Variants in RBM20 observed in about 807,000 individuals in gnomAD.
RBM20 encodes RNA binding motif protein 20, also known as RNA-binding protein 20.
A neutral mutation model predicts 110.1 loss-of-function variants in RBM20; 51 were observed. The ratio of observed to expected loss-of-function variants is 0.46; its 90% CI spans 0.37 to 0.59. RBM20 has a LOEUF of 0.59. RBM20 is among the 20% of genes least tolerant of loss of function. The pLI is 0.00. For missense variants in RBM20, 1,512 were observed against 1,574.9 expected, an observed-to-expected ratio of 0.96 and a Z score of 0.68; for synonymous variants, 589 against 618.2, an observed-to-expected ratio of 0.95 and a Z score of 0.70.
intron 1 of RBM20, among the ~76,000 whole-genome samples, chr10:110,679,291 A>G (rs1328603735): frequency 6.6e-6 from 1 of 152,140 alleles, no homozygotes; most frequent in Admixed American, 6.5e-5. Flanking sequence ...TGGTGTGATC[A>G]TAGCTCACTG....
intron 1 of RBM20, among the ~76,000 whole-genome samples, chr10:110,771,388 G>T (rs185340623): frequency 1.3e-5 from 2 of 152,058 alleles, no homozygotes; most frequent in Non-Finnish European, 2.9e-5. Context: ...CTCACCCTCC[G>T]AAAGTGCTGG....
chr10:110,752,943 A>ATT (rs1475212776), intron 1 of RBM20, among the ~76,000 whole-genome samples: 34 of 95,028 alleles, frequency 3.6e-4, no homozygotes, highest in South Asian at 1.4e-3. Context: ...ATATATATAT[A>ATT]TATTTTTTTT....
intron 1 of RBM20, among the ~76,000 whole-genome samples, chr10:110,647,080 ACTGT>A (rs1861879540): frequency 6.6e-6 from 1 of 152,178 alleles, no homozygotes; most frequent in Non-Finnish European, 1.5e-5. Flanking sequence ...TTTTCCACTT[ACTGT>A]CTATGTTTAC....
chr10:110,712,854 A>G (rs1862956614), intron 1 of RBM20, among the ~76,000 whole-genome samples: 1 of 152,228 alleles, frequency 6.6e-6, no homozygotes, highest in African/African-American at 2.4e-5. Flanking sequence ...ACTCCACTAT[A>G]TAATCTGTTT....
intron 1 of RBM20, among the ~76,000 whole-genome samples, chr10:110,764,292 GACC>G (rs1844049791): frequency 6.6e-6 from 1 of 150,710 alleles, no homozygotes; most frequent in Non-Finnish European, 1.5e-5. Flanking sequence ...CAAACAAACA[GACC>G]ACCACCACCA....
chr10:110,793,737 C>T (rs1470188986), intron 5 of RBM20, among the ~76,000 whole-genome samples: 1 of 152,242 alleles, frequency 6.6e-6, no homozygotes, highest in East Asian at 1.9e-4. Context: ...CTACTTCAGG[C>T]TTTCACCTAG....
Position 110,821,555 on chromosome 10 carries a change from A to G in RBM20, c.2936A>G (p.Lys979Arg), listed in dbSNP as rs1844910226. ...VGNGAAEISL[K>R]SPRELPSAST... ...AATGGGGCTGCAGAAATCAGCCTCA[A>G]GTCACCCAGAGAACTGCCCTCTGCT... Residue 979 changes from lysine (K) to arginine (R), a missense_variant, in exon 11 of 14, where the codon AAG (lysine) becomes AGG (arginine). Around this residue, in one of 3 missense-constraint regions of RBM20, gnomAD observed 358 missense variants for 384.2 expected, o/e 0.93. Coordinates refer to ENST00000369519, the MANE Select transcript of RBM20 (RefSeq NM_001134363.3). 3.9e-6 allele frequency: 6 copies of G among 1,551,422 alleles called. No homozygotes were observed. The highest frequency in any genetic ancestry group is 1.2e-5 in the South Asian group (1 of 84,056).
At chr10:110,674,786 C>T (rs1862313958) in intron 1 of RBM20, among the ~76,000 whole-genome samples, 1 of 152,220 alleles carries the variant, frequency 6.6e-6, no homozygotes, top group Non-Finnish European at 1.5e-5. Flanking sequence ...GCACTCTTGA[C>T]ATTTAAAATA....
rs116559391 is a variant in RBM20, at chr10:110,669,960, A to G, written c.191+25315A>G. 7.2e-3 allele frequency among the ~76,000 whole-genome samples: 1,102 copies of G among 152,348 alleles called. 14 individuals are homozygous for G. Among genetic ancestry groups the G allele is most frequent in the African/African-American group, 0.025 (1,038 of 41,584 alleles). ...AATAATATGCCATTTCTTTGAAACCATTCGATTTCACCCTATTTAGTTGTT... is the reference window on the plus strand; with the variant it reads ...AATAATATGCCATTTCTTTGAAACCGTTCGATTTCACCCTATTTAGTTGTT... On this transcript the variant is annotated intron_variant, in intron 1 of 13. Transcript: ENST00000369519.
chr10:110,818,481 T>G (rs1353329518), intron 9 of RBM20, among the ~76,000 whole-genome samples: 1 of 21,938 alleles, frequency 4.6e-5, no homozygotes, highest in East Asian at 3.7e-3. Flanking sequence ...TTGCAACAGT[T>G]GGCGTTTCAG....
At chr10:110,734,126 G>A (rs1443956943) in intron 1 of RBM20, among the ~76,000 whole-genome samples, 1 of 152,208 alleles carries the variant, frequency 6.6e-6, no homozygotes. Flanking sequence ...CTTTGGGCAA[G>A]AGCTTGAAAG....
At chr10:110,692,457 C>G (rs894690535) in intron 1 of RBM20, among the ~76,000 whole-genome samples, 4 of 152,028 alleles carry the variant, frequency 2.6e-5, no homozygotes, top group African/African-American at 7.2e-5. Flanking sequence ...AGTGTAGAAG[C>G]CTTTCATCTC....
At chr10:110,702,891 T>C (rs943250976) in intron 1 of RBM20, among the ~76,000 whole-genome samples, 1 of 152,218 alleles carries the variant, frequency 6.6e-6, no homozygotes, top group African/African-American at 2.4e-5. Flanking sequence ...TGAGTTAACC[T>C]TTAAGTACTT....
intron 12 of RBM20, among the ~76,000 whole-genome samples, chr10:110,828,851 T>A (rs1845014208): frequency 6.6e-6 from 1 of 152,210 alleles, no homozygotes. Flanking sequence ...GTTTGTTTGT[T>A]TTTTTGACAG....
At chr10:110,772,518 T>C (rs1197277116) in intron 1 of RBM20, among the ~76,000 whole-genome samples, 2 of 152,242 alleles carry the variant, frequency 1.3e-5, no homozygotes, top group East Asian at 3.8e-4. Flanking sequence ...CATATTTAGA[T>C]ATGCACAAAT....
intron 11 of RBM20, among the ~76,000 whole-genome samples, chr10:110,823,191 G>A (rs1293205039): frequency 6.6e-6 from 1 of 152,048 alleles, no homozygotes; most frequent in Non-Finnish European, 1.5e-5. Flanking sequence ...GGGGGTGGGG[G>A]GTGGATCTTC....
chr10:110,719,710 T>C (rs1843482397), intron 1 of RBM20, among the ~76,000 whole-genome samples: 1 of 152,180 alleles, frequency 6.6e-6, no homozygotes, highest in Non-Finnish European at 1.5e-5. Context: ...GTTTCTCCTA[T>C]GTGTATTTTT....
chr10:110,699,736 C>T (rs1165171181), intron 1 of RBM20, among the ~76,000 whole-genome samples: 1 of 151,830 alleles, frequency 6.6e-6, no homozygotes, highest in Admixed American at 6.6e-5. Context: ...GCAAATAGTA[C>T]TGAACCCTAT....
chr10:110,693,676 A>G (rs960614868), intron 1 of RBM20, among the ~76,000 whole-genome samples: 5 of 152,316 alleles, frequency 3.3e-5, no homozygotes, highest in African/African-American at 1.2e-4. Flanking sequence ...TTTTGCTTGT[A>G]TATATGATTG....
Sources: gnomAD v4.1 joint callset for allele counts (sites outside exome capture counted in the v4.1 genomes callset) on GRCh38, gnomAD v4.1.1 for gene constraint, gnomAD v4.1.1 regional missense constraint, MANE v1.5 for transcripts, NCBI Gene and HGNC (gene_info 2026-07-23, HGNC 2026-07-21) for gene names.